Variants in NDUFAF6 observed in about 807,000 individuals in gnomAD.
The protein encoded by NDUFAF6 is NADH dehydrogenase (ubiquinone) complex I, assembly factor 6.
NDUFAF6 carries 45 observed loss-of-function variants against 40.8 expected under a neutral mutation model. The observed-to-expected ratio is 1.10, with a 90% CI of 0.87 to 1.42. The LOEUF (loss-of-function observed/expected upper bound fraction) is 1.42. Ranked by LOEUF, NDUFAF6 falls within the 40% of genes most tolerant of loss-of-function variation. The pLI is 0.00. For missense variants in NDUFAF6, 435 were observed against 418.5 expected, an observed-to-expected ratio of 1.04 and a Z score of -0.34; for synonymous variants, 185 against 155.9, an observed-to-expected ratio of 1.19 and a Z score of -1.39.
intron 1 of NDUFAF6, chr8:94,896,337 CGCCCGAGCGCTGTTGGGAGGAGGGGG>C (rs1427625004): frequency 6.6e-6 from 1 of 150,384 alleles, no homozygotes; most frequent in Non-Finnish European, 1.5e-5. Context: ...GCGCCGTTCG[CGCCCGAGCGCTGTTGGGAGGAGGGGG>C]GCCCGACGCT....
intron 1 of NDUFAF6, among the ~76,000 whole-genome samples, chr8:94,933,576 T>G (rs980085914): frequency 1.3e-5 from 2 of 151,918 alleles, no homozygotes; most frequent in African/African-American, 4.8e-5. Context: ...ACCAGCTTAA[T>G]CAACATGGTG....
chr8:95,044,757 C>CTT (rs373961068), intron 4 of NDUFAF6, among the ~76,000 whole-genome samples: 5 of 141,968 alleles, frequency 3.5e-5, no homozygotes, highest in Non-Finnish European at 4.6e-5. Context: ...CACCCAGCCT[C>CTT]TTTTTTTTTT....
At chr8:95,051,008 T>C (rs1425408993) in intron 7 of NDUFAF6, among the ~76,000 whole-genome samples, 4 of 152,096 alleles carry the variant, frequency 2.6e-5, no homozygotes, top group Non-Finnish European at 5.9e-5. Flanking sequence ...CATTAGACTT[T>C]GGACTAGCTG....
chr8:95,056,204 T>C (rs1832111615), intron 8 of NDUFAF6, among the ~76,000 whole-genome samples: 1 of 152,038 alleles, frequency 6.6e-6, no homozygotes, highest in Admixed American at 6.6e-5. Context: ...ACGATTCCTC[T>C]TTTTTTCGAT....
At chr8:94,924,953 G>C (rs1046144383) in intron 1 of NDUFAF6, among the ~76,000 whole-genome samples, 1 of 152,156 alleles carries the variant, frequency 6.6e-6, no homozygotes, top group Non-Finnish European at 1.5e-5. Context: ...ATGTTGGCCA[G>C]GTTGGTCTTG....
At position 95,058,086 on chromosome 8, in the gene NDUFAF6, G is replaced by A. The variant is rs113522623; in HGVS notation, c.*149G>A. 1.8e-3 allele frequency: 2,633 copies of A among 1,463,144 alleles called. 28 individuals are homozygous for A. Among genetic ancestry groups the A allele is most frequent in the African/African-American group, 0.014 (966 of 70,550 alleles). 90.6% of individuals were successfully genotyped at this position (1,463,144 alleles called of 1,614,324 possible). A position where few individuals can be genotyped will look rare whatever the true frequency, so the allele number is the denominator to read the frequency against. ...TAGCTCACAAAATTGAGAAGTTGCC[G>A]TGGGACTAGGGTGCCAAGACTGCTG... is the stretch of plus-strand genomic sequence containing the variant. On this transcript the variant is annotated 3_prime_UTR_variant, in exon 9 of 9. Coordinates refer to ENST00000396124, the MANE Select transcript of NDUFAF6 (RefSeq NM_152416.4).
intron 2 of NDUFAF6, among the ~76,000 whole-genome samples, chr8:95,006,101 TA>T (rs982980728): frequency 6.6e-6 from 1 of 152,092 alleles, no homozygotes; most frequent in African/African-American, 2.4e-5. Context: ...CTCACGCCTG[TA>T]ATCTCAGCAC....
chr8:95,064,176 C>G (rs1373270599), intron 9 of NDUFAF6, among the ~76,000 whole-genome samples: 1 of 151,162 alleles, frequency 6.6e-6, no homozygotes, highest in African/African-American at 2.4e-5. Flanking sequence ...ACGCGTGAGT[C>G]CCTGCACCCG....
chr8:95,084,904 G>A (rs1808992374), intron 2 of NDUFAF6, among the ~76,000 whole-genome samples: 1 of 152,166 alleles, frequency 6.6e-6, no homozygotes, highest in South Asian at 2.1e-4. Context: ...TTTTAAAAAG[G>A]CATAGCATAT....
chr8:95,092,159 AACTTAAAATTCCCCTTTG>A (rs1185659692), intron 2 of NDUFAF6, among the ~76,000 whole-genome samples: 1 of 149,312 alleles, frequency 6.7e-6, no homozygotes, highest in Non-Finnish European at 1.5e-5. Context: ...CCATGTGGTT[AACTTAAAATTCCCCTTTG>A]ACACAATTTT....
intron 1 of NDUFAF6, among the ~76,000 whole-genome samples, chr8:94,909,372 A>T (rs1361305829): frequency 2.0e-5 from 1 of 50,012 alleles, no homozygotes; most frequent in African/African-American, 5.5e-5. Flanking sequence ...AAAAAAAAAA[A>T]AAAAAAAAAA....
At chr8:94,935,912 GC>G (rs1820932184) in intron 1 of NDUFAF6, among the ~76,000 whole-genome samples, 1 of 152,200 alleles carries the variant, frequency 6.6e-6, no homozygotes, top group Admixed American at 6.5e-5. Context: ...ATGTAAATCT[GC>G]CCTTCATGAC....
At chr8:94,970,038 C>T (rs775351822) in intron 1 of NDUFAF6, among the ~76,000 whole-genome samples, 1 of 152,022 alleles carries the variant, frequency 6.6e-6, no homozygotes, top group Non-Finnish European at 1.5e-5. Flanking sequence ...AGGCGGATCA[C>T]GAGGTGAGGA....
chr8:95,116,755 A>T (rs1235996087), downstream of NDUFAF6, among the ~76,000 whole-genome samples: 1 of 152,206 alleles, frequency 6.6e-6, no homozygotes, highest in Non-Finnish European at 1.5e-5. Flanking sequence ...TGTTGACACT[A>T]TTAGTTAGAA....
intron 2 of NDUFAF6, among the ~76,000 whole-genome samples, chr8:95,003,545 T>C (rs928600611): frequency 1.3e-5 from 2 of 152,214 alleles, no homozygotes; most frequent in African/African-American, 4.8e-5. Flanking sequence ...TTCAGGGCCC[T>C]ACTGGGTAGG....
intron 2 of NDUFAF6, among the ~76,000 whole-genome samples, chr8:95,093,412 C>T (rs995621440): frequency 6.6e-6 from 1 of 152,236 alleles, no homozygotes; most frequent in African/African-American, 2.4e-5. Context: ...TAAATAATTA[C>T]TTCTTGAAGC....
intron 2 of NDUFAF6, among the ~76,000 whole-genome samples, chr8:94,947,903 G>A (rs964026804): frequency 2.0e-5 from 3 of 152,192 alleles, no homozygotes; most frequent in Admixed American, 6.5e-5. Flanking sequence ...CACTGATTGC[G>A]ACTTAAAAGC....
At chr8:94,906,940 TC>T (rs1818430431) in intron 1 of NDUFAF6, among the ~76,000 whole-genome samples, 1 of 152,228 alleles carries the variant, frequency 6.6e-6, no homozygotes, top group Non-Finnish European at 1.5e-5. Context: ...ACATTATGTA[TC>T]CAGCACCTAG....
At chr8:94,932,971 C>A (rs946765384) in intron 1 of NDUFAF6, among the ~76,000 whole-genome samples, 1 of 152,170 alleles carries the variant, frequency 6.6e-6, no homozygotes, top group Non-Finnish European at 1.5e-5. Context: ...AATCCCAGAA[C>A]TTTGGGAGGT....
Sources: allele counts gnomAD v4.1 joint callset (sites outside exome capture counted in the v4.1 genomes callset), GRCh38; gene constraint gnomAD v4.1.1; transcripts MANE v1.5; gene names NCBI Gene and HGNC (gene_info 2026-07-23, HGNC 2026-07-21).